Variants in CNTNAP5 observed in about 807,000 individuals in gnomAD.
The protein encoded by CNTNAP5 is contactin-associated protein-like 5.
Under a neutral mutation model 150.2 loss-of-function variants are expected in CNTNAP5, and 72 were observed. The observed-to-expected ratio is 0.48, with a 90% CI of 0.40 to 0.58. The LOEUF is 0.58. Ranked by LOEUF, CNTNAP5 falls within the 20% of genes least tolerant of loss-of-function variation. The pLI is 0.00. For synonymous variants in CNTNAP5, 672 were observed against 619.8 expected (o/e 1.08, Z -1.25); for missense variants, 1,636 against 1,626.2 (o/e 1.01, Z -0.10).
chr2:124,222,719 G>T (rs1188718902), intron 2 of CNTNAP5, among the ~76,000 whole-genome samples: 2 of 143,752 alleles, frequency 1.4e-5, no homozygotes, highest in East Asian at 2.2e-4. Context: ...AGTTCTAATT[G>T]GTCGTTGTGT....
In CNTNAP5 at chr2:124,271,682, TATCTATCTATCTATCTATC is replaced by T. The variant is rs1335914450; in HGVS notation, c.381+29309_381+29327del. Among the ~76,000 whole-genome samples, 9 of 119,620 alleles carry T rather than the reference TATCTATCTATCTATCTATC, an allele frequency of 7.5e-5. No homozygotes were observed. In the East Asian group the frequency reaches 8.8e-4, roughly 12 times the overall value. 78.5% of individuals were successfully genotyped at this position (119,620 alleles called of 152,430 possible). A position where few individuals can be genotyped will look rare whatever the true frequency, so the allele number is the denominator to read the frequency against. On this transcript the variant is annotated intron_variant, in intron 3 of 23. Coordinates refer to ENST00000682447, the MANE Select transcript of CNTNAP5 (RefSeq NM_001367498.1). The stretch of plus-strand genomic sequence containing the variant: ...TAATCTATCTATCTATCTATCTATC[TATCTATCTATCTATCTATC>T]ATCTATCTATCTATCTATCTATCTA...
intron 12 of CNTNAP5, among the ~76,000 whole-genome samples, chr2:124,645,146 C>G (rs1678177288): frequency 6.6e-6 from 1 of 152,076 alleles, no homozygotes; most frequent in Non-Finnish European, 1.5e-5. Context: ...CAGCATTTGT[C>G]TATACTGGTA....
At chr2:124,089,460 G>A (rs1682768154) in intron 1 of CNTNAP5, among the ~76,000 whole-genome samples, 2 of 152,106 alleles carry the variant, frequency 1.3e-5, no homozygotes, top group South Asian at 4.1e-4. Context: ...TGGAAAAGGA[G>A]AGAGCTGGAA....
chr2:124,859,892 T>C (rs1281341610), intron 19 of CNTNAP5, among the ~76,000 whole-genome samples: 2 of 152,006 alleles, frequency 1.3e-5, no homozygotes, highest in East Asian at 3.9e-4. Flanking sequence ...GGGAACATCA[T>C]ACACTGGGGC....
chr2:124,265,837 TA>T (rs112110861), intron 3 of CNTNAP5, among the ~76,000 whole-genome samples: 6 of 150,608 alleles, frequency 4.0e-5, no homozygotes, highest in African/African-American at 9.8e-5. Flanking sequence ...ATGAGAATGG[TA>T]AAAAAAAACA....
At chr2:124,792,512 C>G (rs1681755941) in intron 18 of CNTNAP5, among the ~76,000 whole-genome samples, 1 of 152,036 alleles carries the variant, frequency 6.6e-6, no homozygotes, top group African/African-American at 2.4e-5. Context: ...TTTTTTCTCT[C>G]TCTTTCTATT....
intron 6 of CNTNAP5, among the ~76,000 whole-genome samples, chr2:124,458,896 A>G (rs942425604): frequency 1.3e-5 from 2 of 152,212 alleles, no homozygotes; most frequent in Non-Finnish European, 1.5e-5. Flanking sequence ...TATTGTAAAG[A>G]CCAACACTTA....
At chr2:124,168,876 C>A (rs766527841) in intron 1 of CNTNAP5, among the ~76,000 whole-genome samples, 1 of 152,092 alleles carries the variant, frequency 6.6e-6, no homozygotes, top group Non-Finnish European at 1.5e-5. Context: ...GACCTATCTG[C>A]GTGGAACTTT....
chr2:124,264,231 T>C (rs1687540293), intron 3 of CNTNAP5, among the ~76,000 whole-genome samples: 1 of 152,140 alleles, frequency 6.6e-6, no homozygotes, highest in South Asian at 2.1e-4. Flanking sequence ...CATTTTAACC[T>C]TGTAAATGTT....
intron 11 of CNTNAP5, among the ~76,000 whole-genome samples, chr2:124,580,051 C>T (rs1482201866): frequency 6.6e-6 from 1 of 152,160 alleles, no homozygotes. Flanking sequence ...CATAAGGAGG[C>T]ACCCTCTACT....
chr2:124,035,972 C>A (rs538561197), intron 1 of CNTNAP5, among the ~76,000 whole-genome samples: 1 of 124,998 alleles, frequency 8.0e-6, no homozygotes, highest in Non-Finnish European at 1.6e-5. Flanking sequence ...GGCCGGACTG[C>A]GGACTGCAGT....
intron 1 of CNTNAP5, among the ~76,000 whole-genome samples, chr2:124,188,317 T>C (rs898212081): frequency 6.6e-6 from 1 of 152,238 alleles, no homozygotes; most frequent in African/African-American, 2.4e-5. Flanking sequence ...TATATTTGTT[T>C]ACGATGATCC....
In CNTNAP5 at chr2:124,579,510, A is replaced by AT. The variant is rs574181375; in HGVS notation, c.1756+16188dup. 1.6e-3 allele frequency among the ~76,000 whole-genome samples: 238 copies of AT among 152,332 alleles called. 1 individual carries two copies. Among genetic ancestry groups the AT allele is most frequent in the African/African-American group, 5.3e-3 (219 of 41,576 alleles). ...CTTAGCTAAAACAAGTAGACTCTTC[A>AT]TCTAGCTCATTCTTTGATCTATTTT... On this transcript the variant is annotated intron_variant, in intron 11 of 23. Transcript: ENST00000682447.
At position 124,504,484 on chromosome 2, in the gene CNTNAP5, C is replaced by A; in HGVS notation, c.1255C>A (p.Leu419Met). Residue 419 changes from leucine (L) to methionine (M), a missense_variant, in exon 8 of 24, where the codon CTG becomes ATG. Leu to Met is a conservative substitution (Grantham distance 15). Transcript: ENST00000682447. ...GTCTGAGGGCTCGGGAACCCTGCTGCTGAGCCTGGAGGGTGGAATCCTGAG... is the reference window on the plus strand; with the variant it reads ...GTCTGAGGGCTCGGGAACCCTGCTGATGAGCCTGGAGGGTGGAATCCTGAG... ...ELSEGSGTLLLSLEGGILRLV... is the reference protein window; with the variant it reads ...ELSEGSGTLLMSLEGGILRLV... The A allele has an allele frequency of 1.9e-6, 3 of 1,613,766 alleles. No individual in the cohort carries two copies. Among genetic ancestry groups the A allele is most frequent in the Non-Finnish European group, 8.5e-7 (1 of 1,179,784 alleles).
At chr2:124,577,158 A>G (rs1696302251) in intron 11 of CNTNAP5, among the ~76,000 whole-genome samples, 1 of 152,154 alleles carries the variant, frequency 6.6e-6, no homozygotes, top group Non-Finnish European at 1.5e-5. Context: ...TGATCCTACT[A>G]TGGACTTGCC....
At chr2:124,396,934 A>G (rs1691263621) in intron 3 of CNTNAP5, among the ~76,000 whole-genome samples, 1 of 152,218 alleles carries the variant, frequency 6.6e-6, no homozygotes, top group Non-Finnish European at 1.5e-5. Flanking sequence ...TGTGCAGAAA[A>G]AGGCCAGTCT....
intron 3 of CNTNAP5, among the ~76,000 whole-genome samples, chr2:124,374,086 T>A (rs1370064602): frequency 6.6e-6 from 1 of 152,092 alleles, no homozygotes; most frequent in Non-Finnish European, 1.5e-5. Context: ...TGATCCTATA[T>A]TACTTTGTAA....
At chr2:124,157,886 G>C (rs1457879907) in intron 1 of CNTNAP5, among the ~76,000 whole-genome samples, 1 of 152,174 alleles carries the variant, frequency 6.6e-6, no homozygotes. Context: ...AACTGCCTCT[G>C]ACAAGTTTAT....
At chr2:124,211,677 A>G (rs952245611) in intron 1 of CNTNAP5, among the ~76,000 whole-genome samples, 12 of 152,174 alleles carry the variant, frequency 7.9e-5, no homozygotes, top group African/African-American at 2.7e-4. Flanking sequence ...ATCCACTTCT[A>G]AATGTTTGGC....
Sources: gnomAD v4.1 joint callset for allele counts (sites outside exome capture counted in the v4.1 genomes callset) on GRCh38, gnomAD v4.1.1 for gene constraint, MANE v1.5 for transcripts, NCBI Gene and HGNC (gene_info 2026-07-23, HGNC 2026-07-21) for gene names.